The following SMIM7 variants were observed in gnomAD, a reference collection of about 807,000 sequenced individuals.
SMIM7 encodes small integral membrane protein 7.
Under a neutral mutation model 13.3 loss-of-function variants are expected in SMIM7, and 12 were observed. That is an observed-to-expected ratio of 0.90 (90% CI 0.58 to 1.46). SMIM7 has a LOEUF of 1.46. SMIM7 is among the 40% of genes most tolerant of loss of function. The pLI, the probability that SMIM7 is intolerant of heterozygous loss-of-function variation, is 0.00. For missense variants in SMIM7, 114 were observed against 94.8 expected, an observed-to-expected ratio of 1.20 and a Z score of -0.84; for synonymous variants, 36 against 35.8, an observed-to-expected ratio of 1.01 and a Z score of -0.02.
At chr19:16,643,068 C>T (rs912901725), downstream of SMIM7, among the ~76,000 whole-genome samples, 1 of 152,046 alleles carries the variant, frequency 6.6e-6, no homozygotes, top group Non-Finnish European at 1.5e-5. Flanking sequence ...TCCCAAAGTG[C>T]TGGGATTACA....
At chr19:16,659,921 C>G (rs1166096829) in intron 2 of SMIM7, 38 bp downstream of exon 2, 3 of 1,592,240 alleles carry the variant, frequency 1.9e-6, no homozygotes, top group East Asian at 2.3e-5. Context: ...GCTACGGGTT[C>G]CCCGGATGGA....
chr19:16,637,166 T>A (rs1300095108), intron 4 of SMIM7, among the ~76,000 whole-genome samples: 1 of 152,092 alleles, frequency 6.6e-6, no homozygotes, highest in Non-Finnish European at 1.5e-5. Context: ...CCCTCACTAC[T>A]CAAAAGTGTG....
In SMIM7 at chr19:16,646,315, A is replaced by G. The variant is rs1233077140; in HGVS notation, c.*931T>C. On this transcript the variant is annotated 3_prime_UTR_variant, in exon 5 of 5. Transcript: ENST00000487416. ...CAAACAAACAAAAAAACCAGACAAC[A>G]AAAAACTCAACAAGCAAATCACACA... The G allele has an allele frequency of 2.6e-5, 4 of 152,158 alleles. No individual in the cohort carries two copies. The highest frequency in any genetic ancestry group is 9.7e-5 in the African/African-American group (4 of 41,438). 9.4% of individuals were successfully genotyped at this position (152,158 alleles called of 1,614,324 possible).
At chr19:16,647,371 C>A in intron 4 of SMIM7, 110 bp from the exon 5 acceptor site, 1 of 1,318,814 alleles carries the variant, frequency 7.6e-7, no homozygotes, top group Non-Finnish European at 1.1e-6. Context: ...GATGATTTTA[C>A]ATGATTGTCT....
chr19:16,648,744 T>C (rs571001937), intron 4 of SMIM7, among the ~76,000 whole-genome samples: 61 of 152,272 alleles, frequency 4.0e-4, no homozygotes, highest in Admixed American at 9.8e-4. Flanking sequence ...CAGTGGCTCA[T>C]GCCTGTAATC....
rs921520463 is a variant in SMIM7, at chr19:16,657,681, C to A, written c.121+1714G>T. On this transcript the variant is annotated intron_variant, in intron 3 of 4. Coordinates refer to ENST00000487416, the MANE Select transcript of SMIM7 (RefSeq NM_024104.4). ...TGCAACACTAACAGGAAGCACCTAA[C>A]TGGGTCAGCACCCAAGGGCAGGCCC... is the stretch of plus-strand genomic sequence containing the variant. 5.9e-5 allele frequency among the ~76,000 whole-genome samples: 9 copies of A among 152,202 alleles called. 1 individual carries two copies. The highest frequency in any genetic ancestry group is 3.3e-4 in the Admixed American group (5 of 15,274).
chr19:16,657,056 ACTAT>A (rs1423052590), intron 3 of SMIM7, among the ~76,000 whole-genome samples: 5 of 152,130 alleles, frequency 3.3e-5, no homozygotes, highest in Non-Finnish European at 5.9e-5. Flanking sequence ...CCATCCCTGC[ACTAT>A]CTATGTGCAT....
At chr19:16,652,429 T>G (rs889639898) in intron 4 of SMIM7, 30 of 558,290 alleles carry the variant, frequency 5.4e-5, no homozygotes, top group Non-Finnish European at 6.2e-5. Context: ...CTTGAACTCC[T>G]GGGCTCAAGC....
At chr19:16,633,472 A>G (rs1338314569) in intron 4 of SMIM7, among the ~76,000 whole-genome samples, 1 of 151,750 alleles carries the variant, frequency 6.6e-6, no homozygotes, top group Non-Finnish European at 1.5e-5. Context: ...AAAGAAAAAA[A>G]AAAAAAAAAA....
intron 4 of SMIM7, among the ~76,000 whole-genome samples, chr19:16,638,253 A>C (rs1473136079): frequency 6.7e-6 from 1 of 149,612 alleles, no homozygotes. Context: ...GATGACAGAG[A>C]TTCTGTCTCA....
intron 4 of SMIM7, 58 bp downstream of exon 4, chr19:16,653,977 C>A: frequency 7.3e-7 from 1 of 1,379,042 alleles, no homozygotes. Context: ...TCAGGTGGGT[C>A]ACCCTGGAGA....
chr19:16,656,287 C>T (rs974716978), intron 3 of SMIM7, among the ~76,000 whole-genome samples: 2 of 152,186 alleles, frequency 1.3e-5, no homozygotes, highest in Admixed American at 6.5e-5. Context: ...CCTCGGGAGG[C>T]TGAGGCACGA....
At chr19:16,647,409 C>T (rs2086462782) in intron 4 of SMIM7, 148 bp from the exon 5 acceptor site, 22 of 870,518 alleles carry the variant, frequency 2.5e-5, no homozygotes. Flanking sequence ...TGTGATCCAC[C>T]TGTGAATATA....
intron 4 of SMIM7, among the ~76,000 whole-genome samples, chr19:16,651,009 C>T (rs1337496311): frequency 3.9e-5 from 6 of 152,366 alleles, no homozygotes; most frequent in Middle Eastern, 3.4e-3. Context: ...TCTGGCACAT[C>T]ATCAGTGATG....
At chr19:16,642,608 A>G (rs2086411839), downstream of SMIM7, among the ~76,000 whole-genome samples, 2 of 152,122 alleles carry the variant, frequency 1.3e-5, no homozygotes, top group African/African-American at 4.8e-5. Context: ...CTGGAGGCCA[A>G]GGTGGGAGGT....
intron 4 of SMIM7, among the ~76,000 whole-genome samples, chr19:16,650,528 G>A (rs968929525): frequency 6.6e-6 from 1 of 152,116 alleles, no homozygotes; most frequent in Non-Finnish European, 1.5e-5. Flanking sequence ...TGGTCAACAG[G>A]ATGAAATCTC....
At chr19:16,653,926 C>G in intron 4 of SMIM7, 109 bp downstream of exon 4, 2 of 845,812 alleles carry the variant, frequency 2.4e-6, no homozygotes, top group East Asian at 5.3e-5. Context: ...AAACAGAAAC[C>G]AGGATACAAG....
At chr19:16,642,195 G>A (rs997886407), downstream of SMIM7, among the ~76,000 whole-genome samples, 5 of 152,188 alleles carry the variant, frequency 3.3e-5, no homozygotes, top group African/African-American at 1.2e-4. Flanking sequence ...CAAACCAAGT[G>A]CCCATCAACT....
chr19:16,633,357 G>A (rs757393742), intron 4 of SMIM7, among the ~76,000 whole-genome samples: 1 of 151,246 alleles, frequency 6.6e-6, no homozygotes, highest in Non-Finnish European at 1.5e-5. Context: ...TCGGGAGGCT[G>A]AGGCAGAAGA....
Sources: gnomAD v4.1 joint callset for allele counts (sites outside exome capture counted in the v4.1 genomes callset) on GRCh38, gnomAD v4.1.1 for gene constraint, MANE v1.5 for transcripts, NCBI Gene and HGNC (gene_info 2026-07-23, HGNC 2026-07-21) for gene names.